The following KCNG4 variants were observed in gnomAD, a reference collection of about 807,000 sequenced individuals.
KCNG4 encodes the protein potassium voltage-gated channel modifier subfamily G member 4.
In KCNG4, 30 loss-of-function variants were observed where a neutral mutation model predicts 28.2. The observed-to-expected ratio is 1.06, with a 90% CI of 0.80 to 1.44. The LOEUF (loss-of-function observed/expected upper bound fraction) is 1.44, where lower values mean the gene tolerates loss of function less well. Among genes scored for constraint, KCNG4 ranks in the 40% most tolerant of loss-of-function variants. The pLI, the probability that KCNG4 is intolerant of heterozygous loss-of-function variation, is 0.00. For missense variants in KCNG4, 879 were observed against 712.3 expected (o/e 1.23, Z -2.66); for synonymous variants, 375 against 315.5 (o/e 1.19, Z -2.00).
At chr16:84,224,325 C>A (rs1415165961) in intron 2 of KCNG4, among the ~76,000 whole-genome samples, 2 of 151,910 alleles carry the variant, frequency 1.3e-5, no homozygotes, top group African/African-American at 4.8e-5. Flanking sequence ...TAGGTTTGAG[C>A]TGCACAGTAG....
intron 2 of KCNG4, 66 bp downstream of exon 2, chr16:84,236,664 C>A: frequency 6.7e-7 from 1 of 1,498,124 alleles, no homozygotes; most frequent in Non-Finnish European, 8.9e-7. Flanking sequence ...TCTTGGGCCC[C>A]TAAAAGACAT....
chr16:84,223,231 T>C (rs1025916349), intron 2 of KCNG4, among the ~76,000 whole-genome samples: 1 of 152,170 alleles, frequency 6.6e-6, no homozygotes, highest in Non-Finnish European at 1.5e-5. Context: ...CCGCTAGGTG[T>C]GGCCAAATAT....
intron 2 of KCNG4, among the ~76,000 whole-genome samples, chr16:84,231,010 C>T (rs1279419145): frequency 1.3e-5 from 2 of 152,174 alleles, no homozygotes; most frequent in Admixed American, 6.6e-5. Flanking sequence ...TTTGAGCCAC[C>T]GGCCCCTGAC....
At chr16:84,223,928 G>C (rs950993866) in intron 2 of KCNG4, among the ~76,000 whole-genome samples, 1 of 152,182 alleles carries the variant, frequency 6.6e-6, no homozygotes, top group Non-Finnish European at 1.5e-5. Context: ...TGGGATGTGT[G>C]ATTGCTGCCA....
At position 84,218,690 on chromosome 16, in the gene KCNG4, G is replaced by A. The variant is rs189170349; in HGVS notation, c.*3527C>T. The stretch of plus-strand genomic sequence containing the variant: ...CATTACCAGGGAGAAAAAATAGAGC[G>A]TTTAATTAAGCCCCACATGCGAGCA... On this transcript the variant is annotated 3_prime_UTR_variant, in exon 3 of 3. Coordinates refer to ENST00000308251, the MANE Select transcript of KCNG4 (RefSeq NM_172347.3). The A allele has an allele frequency of 3.9e-5, 6 of 152,326 alleles. No individual in the cohort carries two copies. Among genetic ancestry groups the A allele is most frequent in the Admixed American group, 1.3e-4 (2 of 15,300 alleles). 9.4% of individuals were successfully genotyped at this position (152,326 alleles called of 1,614,324 possible). A position where few individuals can be genotyped will look rare whatever the true frequency, so the allele number is the denominator to read the frequency against.
chr16:84,226,761 C>G lies in KCNG4; in HGVS notation c.757-3741G>C, dbSNP rs1325854757. On this transcript the variant is annotated intron_variant, in intron 2 of 2. Transcript: ENST00000308251. This position sits in a 1 kb window ranked among gnomAD's most constrained non-coding sequence, Gnocchi z 4.1. ...AGGCATGGTGACACATGCCTGTAAT[C>G]CCAGCTACTTGGCGGGCTGAGGCAG... Among the ~76,000 whole-genome samples the G allele has an allele frequency of 6.6e-6, 1 of 151,648 alleles. No individual in the cohort carries two copies. The highest frequency in any genetic ancestry group is 1.5e-5 in the Non-Finnish European group (1 of 67,862).
intron 2 of KCNG4, among the ~76,000 whole-genome samples, chr16:84,233,112 T>G (rs1347386748): frequency 1.3e-5 from 2 of 152,274 alleles, no homozygotes; most frequent in South Asian, 4.1e-4. Context: ...TGACGGACTT[T>G]CGCTGAGCAC....
intron 2 of KCNG4, among the ~76,000 whole-genome samples, chr16:84,228,390 G>A (rs944126451): frequency 2.1e-5 from 3 of 142,962 alleles, no homozygotes; most frequent in African/African-American, 7.5e-5. Flanking sequence ...TTCACCATTT[G>A]TGCCTTTGGC....
intron 2 of KCNG4, among the ~76,000 whole-genome samples, chr16:84,235,054 G>A (rs36014715): frequency 0.13 from 19,186 of 152,164 alleles, 1,423 homozygotes; most frequent in East Asian, 0.25. Flanking sequence ...AGGAGGAGAC[G>A]TGGCTGCCTG....
At chr16:84,239,202 C>T (rs1217667675) in intron 1 of KCNG4, among the ~76,000 whole-genome samples, 1 of 152,188 alleles carries the variant, frequency 6.6e-6, no homozygotes, top group Non-Finnish European at 1.5e-5. Context: ...GAATCGTAAC[C>T]TATTTCACAC....
Position 84,222,448 on chromosome 16 carries a change from G to A in KCNG4, c.1329C>T (p.Ile443=). ...MVALSSILSG[I]LIMAFPATSI... is the part of the protein sequence containing the mutation. ...ACGTGGCCGGGAAGGCCATGATGAG[G>A]ATCCCGCTCAGGATGCTGCTGAGGG... is the stretch of plus-strand genomic sequence containing the variant. The change falls in exon 3 of 3, where the codon ATC becomes ATT. Residue 443 remains isoleucine, a synonymous_variant. Coordinates refer to ENST00000308251, the MANE Select transcript of KCNG4 (RefSeq NM_172347.3). The A allele has an allele frequency of 6.2e-7, 1 of 1,614,134 alleles. No individual in the cohort carries two copies. Among genetic ancestry groups the A allele is most frequent in the Non-Finnish European group, 8.5e-7 (1 of 1,180,034 alleles).
Position 84,236,971 on chromosome 16 carries a change from A to C in KCNG4, c.515T>G (p.Leu172Arg). Residue 172 changes from leucine to arginine, a missense_variant, in exon 2 of 3, where the codon CTG (leucine) becomes CGG (arginine). Physicochemically the swap from Leu to Arg is moderately radical, Grantham distance 102. Transcript: ENST00000308251. ...CCTGTGCAGCTTGGCCAGCTCCTCCAGCTCCTCCAGCTTCCTCAGCAGCTT... is the reference window on the plus strand; with the variant it reads ...CCTGTGCAGCTTGGCCAGCTCCTCCCGCTCCTCCAGCTTCCTCAGCAGCTT... Reference protein sequence around the residue: ...LRKLLRKLEELEELAKLHRED... With the variant: ...LRKLLRKLEEREELAKLHRED... 6.2e-7 allele frequency: 1 copy of C among 1,613,664 alleles called. No individual in the cohort carries two copies. Among genetic ancestry groups the C allele is most frequent in the Non-Finnish European group, 8.5e-7 (1 of 1,179,986 alleles).
At chr16:84,231,492 G>A (rs187089207) in intron 2 of KCNG4, among the ~76,000 whole-genome samples, 1 of 152,298 alleles carries the variant, frequency 6.6e-6, no homozygotes, top group African/African-American at 2.4e-5. Flanking sequence ...GAGGGTGCGA[G>A]GGATGCATGG....
Position 84,221,419 on chromosome 16 carries a change from C to T in KCNG4, c.*798G>A, listed in dbSNP as rs1904554236. 1 of 152,250 alleles carries T rather than the reference C, an allele frequency of 6.6e-6. No homozygotes were observed. The highest frequency in any genetic ancestry group is 1.5e-5 in the Non-Finnish European group (1 of 68,074). 9.4% of individuals were successfully genotyped at this position (152,250 alleles called of 1,614,324 possible). A position where few individuals can be genotyped will look rare whatever the true frequency, so the allele number is the denominator to read the frequency against. ...GGCTAAGGACTGGATAACTGGAGAA[C>T]ACCACACCAAGAGTCCAGGCGGCCA... On this transcript the variant is annotated 3_prime_UTR_variant, in exon 3 of 3. Coordinates refer to ENST00000308251, the MANE Select transcript of KCNG4 (RefSeq NM_172347.3).
rs188199687 is a variant in KCNG4, at chr16:84,223,017, C to T, written c.760G>A (p.Glu254Lys). 2.6e-5 allele frequency: 39 copies of T among 1,520,214 alleles called. No homozygotes were observed. Among genetic ancestry groups the T allele is most frequent in the South Asian group, 9.2e-5 (7 of 75,740 alleles). 94.2% of individuals were successfully genotyped at this position (1,520,214 alleles called of 1,614,324 possible). A position where few individuals can be genotyped will look rare whatever the true frequency, so the allele number is the denominator to read the frequency against. The change falls in exon 3 of 3, where the codon GAA becomes AAA. Residue 254 changes from glutamate to lysine, a missense_variant. Physicochemically the swap from Glu to Lys is moderately conservative, Grantham distance 56. Transcript: ENST00000308251. ...ATATAGTAGCACTTCCGAGAGCATT[C>T]GCCCTGCGGGGAGAAGAGGCAACAA... ...PDLRAEEDQGECSRKCYYIFI... is the reference protein window; with the variant it reads ...PDLRAEEDQGKCSRKCYYIFI...
Position 84,222,610 on chromosome 16 carries a change from G to A in KCNG4, c.1167C>T (p.Val389=). The change falls in exon 3 of 3, where the codon GTC becomes GTT. Residue 389 remains valine (V), a synonymous_variant. Transcript: ENST00000308251. The stretch of plus-strand genomic sequence containing the variant: ...GCCCGGACTCCTTCTCGGCCACGTA[G>A]ACCAAAGGGGAGAAGAGGGTGATGG... The part of the protein sequence containing the change: ...AVAITLFSPL[V]YVAEKESGRV... The A allele has an allele frequency of 6.2e-7, 1 of 1,613,364 alleles. No homozygotes were observed. Among genetic ancestry groups the A allele is most frequent in the South Asian group, 1.1e-5 (1 of 91,080 alleles).
rs1333923087 is a variant in KCNG4 at position 84,222,194 on chromosome 16, A to G, written c.*23T>C. ...GGCAGGGTGATGGGTTGAGGTTACC[A>G]TGTAGTCATGGGGGGTGCTGAGTTA... On this transcript the variant is annotated 3_prime_UTR_variant, in exon 3 of 3. Coordinates refer to ENST00000308251, the MANE Select transcript of KCNG4 (RefSeq NM_172347.3). 1.2e-6 allele frequency: 2 copies of G among 1,611,198 alleles called. No individual in the cohort carries two copies. The highest frequency in any genetic ancestry group is 1.3e-5 in the African/African-American group (1 of 74,868).
intron 2 of KCNG4, among the ~76,000 whole-genome samples, chr16:84,224,692 C>G (rs908376190): frequency 6.6e-6 from 1 of 152,208 alleles, no homozygotes; most frequent in Non-Finnish European, 1.5e-5. Flanking sequence ...GGCTGGACTT[C>G]TGTGTGGACT....
Position 84,222,498 on chromosome 16 carries a change from G to A in KCNG4, c.1279C>T (p.Arg427Cys), listed in dbSNP as rs575776119. Residue 427 changes from arginine to cysteine, a missense_variant, in exon 3 of 3, where the codon CGC (arginine) becomes TGC (cysteine). Physicochemically the swap from Arg to Cys is radical, Grantham distance 180 (BLOSUM62 -3). Coordinates refer to ENST00000308251, the MANE Select transcript of KCNG4 (RefSeq NM_172347.3). ...GCCACCATCTGGCCTGGCACACTGCGGGGCACCATGTCCCCGTAGCCCACC... is the reference window on the plus strand; with the variant it reads ...GCCACCATCTGGCCTGGCACACTGCAGGGCACCATGTCCCCGTAGCCCACC... ...TTVGYGDMVP[R>C]SVPGQMVALS... 81 of 1,613,518 alleles carry A rather than the reference G, an allele frequency of 5.0e-5. No homozygotes were observed. Among genetic ancestry groups the A allele is most frequent in the Admixed American group, 4.3e-4 (26 of 60,010 alleles).
Sources: gnomAD v4.1 joint callset for allele counts (sites outside exome capture counted in the v4.1 genomes callset) on GRCh38, gnomAD v4.1.1 for gene constraint, Gnocchi (gnomAD v3.1) non-coding constraint, MANE v1.5 for transcripts, NCBI Gene and HGNC (gene_info 2026-07-23, HGNC 2026-07-21) for gene names.